Variants in GRIN2A observed in about 807,000 individuals in gnomAD.
GRIN2A encodes the protein glutamate receptor ionotropic, NMDA 2A.
GRIN2A carries 22 observed loss-of-function variants against 113.4 expected under a neutral mutation model. That is an observed-to-expected ratio of 0.19 (90% CI 0.14 to 0.28). GRIN2A has a LOEUF of 0.28. Among genes scored for constraint, GRIN2A ranks in the 10% least tolerant of loss-of-function variants. GRIN2A has a pLI of 1.00. For missense variants in GRIN2A, 1,502 were observed against 1,887.0 expected (o/e 0.80, Z 3.78); for synonymous variants, 827 against 738.4 (o/e 1.12, Z -1.94).
intron 2 of GRIN2A, among the ~76,000 whole-genome samples, chr16:9,940,061 AGTGTGTGTGT>A (rs56116543): frequency 1.4e-5 from 2 of 142,898 alleles, no homozygotes; most frequent in African/African-American, 2.6e-5. Context: ...AGAGAGAGAG[AGTGTGTGTGT>A]GTGTGTGTGT....
chr16:10,174,213 C>G (rs1034833641), intron 2 of GRIN2A, among the ~76,000 whole-genome samples: 1 of 152,142 alleles, frequency 6.6e-6, no homozygotes, highest in Non-Finnish European at 1.5e-5. Context: ...TCTGCACCAT[C>G]CACCATTAGT....
chr16:10,008,539 T>C (rs549231123), intron 2 of GRIN2A, among the ~76,000 whole-genome samples: 14 of 152,200 alleles, frequency 9.2e-5, no homozygotes, highest in Non-Finnish European at 1.9e-4. Context: ...GATTCTTCCC[T>C]GAGCATACAA....
chr16:9,771,237 G>A (rs74602452), intron 11 of GRIN2A, among the ~76,000 whole-genome samples: 4,978 of 149,042 alleles, frequency 0.033, 193 homozygotes, highest in African/African-American at 0.092. Flanking sequence ...AAAATACTGT[G>A]GAACTTTTCA....
rs1035393219 is a variant in GRIN2A at position 9,809,490 on chromosome 16, TCAAA to T, written c.2169-11030_2169-11027del. 9.9e-5 allele frequency among the ~76,000 whole-genome samples: 15 copies of T among 150,986 alleles called. 1 individual carries two copies. Among genetic ancestry groups the T allele is most frequent in the Non-Finnish European group, 1.9e-4 (13 of 67,838 alleles). On this transcript the variant is annotated intron_variant, in intron 10 of 12. Transcript: ENST00000330684. ...AAGTCTTGGAGAAATGGAACGTACATCAAACAGACAACAGATTGGCATTGAGATG... is the reference window on the plus strand; with the variant it reads ...AAGTCTTGGAGAAATGGAACGTACATCAGACAACAGATTGGCATTGAGATG...
chr16:9,918,422 A>G (rs947050114), intron 3 of GRIN2A, among the ~76,000 whole-genome samples: 1 of 152,244 alleles, frequency 6.6e-6, no homozygotes. Context: ...TTAATAAAAT[A>G]GAACAATTAT....
intron 2 of GRIN2A, among the ~76,000 whole-genome samples, chr16:10,026,266 T>C (rs2046819444): frequency 6.6e-6 from 1 of 152,142 alleles, no homozygotes; most frequent in Non-Finnish European, 1.5e-5. Context: ...TTCCTAAGCC[T>C]CAGTTTGCTC....
At chr16:10,055,586 G>A (rs1158623806) in intron 2 of GRIN2A, among the ~76,000 whole-genome samples, 1 of 152,234 alleles carries the variant, frequency 6.6e-6, no homozygotes, top group African/African-American at 2.4e-5. Context: ...ATCTGATGAA[G>A]TGAATCCATC....
intron 4 of GRIN2A, among the ~76,000 whole-genome samples, chr16:9,870,074 G>T (rs750995076): frequency 6.6e-6 from 1 of 152,112 alleles, no homozygotes; most frequent in Admixed American, 6.5e-5. Flanking sequence ...TTTCACTTAC[G>T]GCTCTCTATT....
At chr16:9,838,300 C>G (rs1201821324) in intron 7 of GRIN2A, among the ~76,000 whole-genome samples, 1 of 152,146 alleles carries the variant, frequency 6.6e-6, no homozygotes, top group African/African-American at 2.4e-5. Flanking sequence ...TACTGGGTAT[C>G]TACCCAAAGG....
At position 9,848,510 on chromosome 16, in the gene GRIN2A, C is replaced by T. The variant is rs553408786; in HGVS notation, c.1328+1246G>A. Among the ~76,000 whole-genome samples, 415 of 150,790 alleles carry T rather than the reference C, an allele frequency of 2.8e-3. 1 individual carries two copies. The highest frequency in any genetic ancestry group is 6.9e-3 in the Middle Eastern group (2 of 288). ...AGATTATAGATGTGAATCACTGTGT[C>T]CAACCATATGTATTTTTAATATATA... On this transcript the variant is annotated intron_variant, in intron 5 of 12. Coordinates refer to ENST00000330684, the MANE Select transcript of GRIN2A (RefSeq NM_001134407.3).
intron 2 of GRIN2A, among the ~76,000 whole-genome samples, chr16:10,126,288 A>G (rs1360076121): frequency 6.6e-6 from 1 of 151,914 alleles, no homozygotes; most frequent in Non-Finnish European, 1.5e-5. Context: ...TCAGGCTTCC[A>G]AGAAACAGAC....
At chr16:9,949,040 G>A (rs919359409) in intron 2 of GRIN2A, among the ~76,000 whole-genome samples, 3 of 152,116 alleles carry the variant, frequency 2.0e-5, no homozygotes, top group African/African-American at 7.2e-5. Flanking sequence ...TGAAAGGTAG[G>A]GGACTAATGT....
chr16:9,993,221 A>G (rs1807762505), intron 2 of GRIN2A, among the ~76,000 whole-genome samples: 1 of 151,938 alleles, frequency 6.6e-6, no homozygotes, highest in Admixed American at 6.6e-5. Flanking sequence ...CTACACAGCA[A>G]GACTCTGTCT....
At chr16:10,156,704 C>T (rs540265391) in intron 2 of GRIN2A, among the ~76,000 whole-genome samples, 27 of 152,196 alleles carry the variant, frequency 1.8e-4, no homozygotes, top group Non-Finnish European at 3.4e-4. Flanking sequence ...GAACTTGACA[C>T]TTAAAACTTA....
At chr16:10,092,805 G>A (rs750230262) in intron 2 of GRIN2A, among the ~76,000 whole-genome samples, 10 of 151,036 alleles carry the variant, frequency 6.6e-5, no homozygotes, top group Admixed American at 1.3e-4. Context: ...GTACTCAGAG[G>A]CATTAAATCT....
chr16:10,171,759 G>A (rs1449765613), intron 2 of GRIN2A, among the ~76,000 whole-genome samples: 1 of 152,184 alleles, frequency 6.6e-6, no homozygotes, highest in East Asian at 1.9e-4. Context: ...TAGCATTCCT[G>A]TAATAAGCAT....
At chr16:9,917,782 C>T (rs760537948) in intron 3 of GRIN2A, among the ~76,000 whole-genome samples, 9 of 152,240 alleles carry the variant, frequency 5.9e-5, no homozygotes, top group Non-Finnish European at 1.3e-4. Flanking sequence ...AGTACTCGTG[C>T]GTTCTGCTCC....
chr16:9,824,465 T>C (rs1232584564), intron 9 of GRIN2A, among the ~76,000 whole-genome samples: 2 of 152,208 alleles, frequency 1.3e-5, no homozygotes, highest in African/African-American at 4.8e-5. Context: ...GCCTTCCACT[T>C]CACTCCCCGT....
intron 11 of GRIN2A, among the ~76,000 whole-genome samples, chr16:9,790,457 A>G (rs2299933): frequency 0.34 from 51,904 of 152,086 alleles, 9,123 homozygotes; most frequent in African/African-American, 0.43. Flanking sequence ...AAGCCAGGGA[A>G]TATATAATTC....
Sources: gnomAD v4.1 joint callset for allele counts (sites outside exome capture counted in the v4.1 genomes callset) on GRCh38, gnomAD v4.1.1 for gene constraint, MANE v1.5 for transcripts, NCBI Gene and HGNC (gene_info 2026-07-23, HGNC 2026-07-21) for gene names.